KAZN: variants seen among roughly 807,000 people sequenced by gnomAD.
KAZN encodes the protein kazrin, periplakin interacting protein.
KAZN carries 40 observed loss-of-function variants against 87.4 expected under a neutral mutation model. That is an observed-to-expected ratio of 0.46 (90% confidence interval 0.36 to 0.60). The LOEUF is 0.60. Ranked by LOEUF, KAZN falls within the 20% of genes least tolerant of loss-of-function variation. The pLI, the probability that KAZN is intolerant of heterozygous loss-of-function variation, is 0.00. For synonymous variants in KAZN, 466 were observed against 458.3 expected (o/e 1.02, Z -0.22); for missense variants, 898 against 1,073.9 (o/e 0.84, Z 2.29).
intron 1 of KAZN, among the ~76,000 whole-genome samples, chr1:14,939,762 T>C (rs1660847952): frequency 6.6e-6 from 1 of 152,254 alleles, no homozygotes; most frequent in South Asian, 2.1e-4. Flanking sequence ...CGGCACAGGC[T>C]CAGGGTCCAG....
chr1:14,616,780 AT>A (rs1291782990), intron 1 of KAZN, among the ~76,000 whole-genome samples: 1 of 152,156 alleles, frequency 6.6e-6, no homozygotes, highest in African/African-American at 2.4e-5. Flanking sequence ...GAACCAGGAC[AT>A]TTCAATGCAG....
At position 14,437,657 on chromosome 1, in the gene KAZN, G is replaced by A. The variant is rs1038846586; in HGVS notation, c.250-161326G>A. ...CCCCTGCCTCCACCTCTCAGAATCC[G>A]TGCCCCTGCCAGGAGCTGCAGTCGC... On this transcript the variant is annotated intron_variant, in intron 2 of 16. Transcript: ENST00000636203. Among the ~76,000 whole-genome samples the A allele has an allele frequency of 2.6e-5, 4 of 152,196 alleles. No homozygotes were observed. The South Asian group carries it at 6.2e-4, about 24-fold the overall frequency.
At chr1:14,784,619 C>T (rs1316189317) in intron 1 of KAZN, among the ~76,000 whole-genome samples, 4 of 152,150 alleles carry the variant, frequency 2.6e-5, no homozygotes, top group South Asian at 2.1e-4. Context: ...ATTAGCCAAG[C>T]GTGGTGGCAC....
intron 1 of KAZN, among the ~76,000 whole-genome samples, chr1:14,104,279 G>C (rs1453348328): frequency 6.6e-6 from 1 of 152,224 alleles, no homozygotes. Flanking sequence ...GGCGCTGGAG[G>C]AGGTCTGTCC....
At chr1:14,940,929 T>TTTTTTTTTTTTTTTTTTC (rs1557642682) in intron 1 of KAZN, among the ~76,000 whole-genome samples, 1 of 116,892 alleles carries the variant, frequency 8.6e-6, no homozygotes, top group African/African-American at 3.6e-5. Flanking sequence ...TTTTTTTTTT[T>TTTTTTTTTTTTTTTTTTC]CTGAGAGACG....
At chr1:14,514,416 AT>A (rs1464799142) in intron 2 of KAZN, among the ~76,000 whole-genome samples, 2 of 22,722 alleles carry the variant, frequency 8.8e-5, no homozygotes, top group African/African-American at 2.4e-4. Flanking sequence ...TAATATATAA[AT>A]ATATATATAA....
At chr1:13,951,878 T>C (rs1210313006) in intron 1 of KAZN, among the ~76,000 whole-genome samples, 1 of 152,190 alleles carries the variant, frequency 6.6e-6, no homozygotes. Context: ...GATGCCAAGG[T>C]ATGACCCACA....
rs114872595 is a variant in KAZN at position 14,220,624 on chromosome 1, A to T, written c.249+40032A>T. Among the ~76,000 whole-genome samples, 912 of 152,288 alleles carry T rather than the reference A, an allele frequency of 6.0e-3. 14 individuals are homozygous for T. Among genetic ancestry groups the T allele is most frequent in the African/African-American group, 0.021 (875 of 41,564 alleles). ...TCTGCATCTGATTTGGTGATAGCAC[A>T]TTCAGGCTCCAGACCAGTACCAGGC... is the stretch of plus-strand genomic sequence containing the variant. On this transcript the variant is annotated intron_variant, in intron 2 of 16. Coordinates refer to the KAZN transcript ENST00000636203.
At position 15,056,101 on chromosome 1, in the gene KAZN, C is replaced by G; in HGVS notation, c.737C>G (p.Ser246Cys). ...TCTTGCTCTCTCCAGGCCAAACAGT[C>G]CTTAGCTACGCTGACCAAGGACGTC... ...LEAELAMAKQ[S>C]LATLTKDVPK... Residue 246 changes from serine to cysteine, a missense_variant, in exon 5 of 15, where the codon TCC (serine) becomes TGC (cysteine). By Grantham distance (112) the Ser-to-Cys change is moderately radical (BLOSUM62 -1). Transcript: ENST00000376030. This position sits in a 1 kb window ranked among gnomAD's most constrained non-coding sequence, Gnocchi z 5.4. The G allele has an allele frequency of 6.2e-7, 1 of 1,610,498 alleles. No homozygotes were observed. The highest frequency in any genetic ancestry group is 8.5e-7 in the Non-Finnish European group (1 of 1,177,188).
chr1:14,203,791 T>C (rs961992144), intron 2 of KAZN, among the ~76,000 whole-genome samples: 18 of 152,180 alleles, frequency 1.2e-4, no homozygotes, highest in Non-Finnish European at 2.1e-4. Flanking sequence ...TAAGATGATA[T>C]GGTAGGGAGA....
At position 15,105,330 on chromosome 1, in the gene KAZN, A is replaced by AATC. The variant is rs560555647; in HGVS notation, c.2048+1142_2048+1144dup. On this transcript the variant is annotated intron_variant, in intron 13 of 14. Coordinates refer to ENST00000376030, the MANE Select transcript of KAZN (RefSeq NM_201628.3). ...TGGGAAGCTTTTTGACTTCTAATTC[A>AATC]ATCTCTTCACTTGTTAGAGGTCTGT... is the stretch of plus-strand genomic sequence containing the variant. Among the ~76,000 whole-genome samples, 451 of 152,316 alleles carry AATC rather than the reference A, an allele frequency of 3.0e-3. 2 individuals carry two copies. Among genetic ancestry groups the AATC allele is most frequent in the Non-Finnish European group, 4.7e-3 (322 of 68,036 alleles).
chr1:14,075,062 A>G (rs1035756152), intron 1 of KAZN, among the ~76,000 whole-genome samples: 1 of 152,166 alleles, frequency 6.6e-6, no homozygotes, highest in Non-Finnish European at 1.5e-5. Flanking sequence ...CACTGAAGGA[A>G]AAAAAAGATG....
At chr1:14,071,595 G>A (rs1643248741) in intron 1 of KAZN, among the ~76,000 whole-genome samples, 1 of 152,184 alleles carries the variant, frequency 6.6e-6, no homozygotes, top group African/African-American at 2.4e-5. Flanking sequence ...GTGAGTGCTG[G>A]CAGCTCTGGG....
At chr1:14,300,861 C>A (rs1654502731) in intron 2 of KAZN, among the ~76,000 whole-genome samples, 1 of 152,196 alleles carries the variant, frequency 6.6e-6, no homozygotes, top group African/African-American at 2.4e-5. Flanking sequence ...CCTGTGAACA[C>A]CATCTGTCCT....
At chr1:14,957,978 T>A (rs1335325442) in intron 1 of KAZN, among the ~76,000 whole-genome samples, 3 of 152,160 alleles carry the variant, frequency 2.0e-5, no homozygotes, top group African/African-American at 7.2e-5. Context: ...CTGGGCCCAT[T>A]GTGGCCTCAG....
chr1:14,444,351 C>T (rs1488809264), intron 2 of KAZN, among the ~76,000 whole-genome samples: 1 of 118,146 alleles, frequency 8.5e-6, no homozygotes, highest in Non-Finnish European at 1.6e-5. Context: ...TCGCTCTTGT[C>T]ACCCAGGCTG....
At chr1:14,560,962 G>C (rs1337246361) in intron 2 of KAZN, among the ~76,000 whole-genome samples, 1 of 152,186 alleles carries the variant, frequency 6.6e-6, no homozygotes, top group East Asian at 1.9e-4. Context: ...TGCCCCATCA[G>C]GAAGAGAAGT....
At chr1:14,652,488 CACCT>C (rs1638463325) in intron 1 of KAZN, among the ~76,000 whole-genome samples, 1 of 29,452 alleles carries the variant, frequency 3.4e-5, no homozygotes, top group African/African-American at 1.5e-4. Flanking sequence ...CCCGCCCATC[CACCT>C]ATCCACCTAT....
Position 14,758,842 on chromosome 1 carries a change from T to C in KAZN, c.226+159619T>C, listed in dbSNP as rs147414071. On this transcript the variant is annotated intron_variant, in intron 1 of 14. Transcript: ENST00000376030. The stretch of plus-strand genomic sequence containing the variant: ...TTTTGCCTTTCAGATGATGAAAAGA[T>C]CTGGCTTTGCATGGGTTACTCTTCT... 3.9e-3 allele frequency among the ~76,000 whole-genome samples: 600 copies of C among 152,112 alleles called. 4 individuals are homozygous for C. Among genetic ancestry groups the C allele is most frequent in the African/African-American group, 0.014 (567 of 41,494 alleles).
Sources: allele counts gnomAD v4.1 joint callset (sites outside exome capture counted in the v4.1 genomes callset), GRCh38; gene constraint gnomAD v4.1.1; non-coding constraint Gnocchi (gnomAD v3.1); transcripts MANE v1.5; gene names NCBI Gene and HGNC (gene_info 2026-07-23, HGNC 2026-07-21).